The following PIBF1 variants were observed in gnomAD, a reference collection of about 807,000 sequenced individuals.
PIBF1 encodes progesterone immunomodulatory binding factor 1, also known as progesterone-induced-blocking factor 1.
Under a neutral mutation model 112.5 loss-of-function variants are expected in PIBF1, and 90 were observed. That is an observed-to-expected ratio of 0.80 (90% CI 0.67 to 0.95). The LOEUF (loss-of-function observed/expected upper bound fraction) is 0.95, where lower values mean the gene tolerates loss of function less well. Ranked by LOEUF, PIBF1 falls within the 40% of genes least tolerant of loss-of-function variation. PIBF1 has a pLI of 0.00. For synonymous variants in PIBF1, 301 were observed against 288.6 expected (o/e 1.04, Z -0.44); for missense variants, 915 against 852.3 (o/e 1.07, Z -0.92).
intron 17 of PIBF1, among the ~76,000 whole-genome samples, chr13:73,011,714 C>T (rs1025529817): frequency 1.3e-5 from 2 of 152,176 alleles, no homozygotes; most frequent in African/African-American, 4.8e-5. Context: ...TCCCTACCCC[C>T]ACACCTTACC....
At chr13:72,960,667 T>A (rs1407712958) in intron 14 of PIBF1, among the ~76,000 whole-genome samples, 1 of 152,238 alleles carries the variant, frequency 6.6e-6, no homozygotes, top group Non-Finnish European at 1.5e-5. Flanking sequence ...GTTCTGCACT[T>A]TGAAACACAA....
chr13:72,890,452 T>G (rs767902372), intron 10 of PIBF1, among the ~76,000 whole-genome samples: 3 of 152,154 alleles, frequency 2.0e-5, no homozygotes, highest in Non-Finnish European at 4.4e-5. Flanking sequence ...GTTCTAGTCC[T>G]TTCTGTTATT....
intron 16 of PIBF1, among the ~76,000 whole-genome samples, chr13:72,986,043 G>T (rs1003148433): frequency 2.0e-5 from 3 of 151,880 alleles, no homozygotes; most frequent in Admixed American, 6.6e-5. Context: ...CGTGCCTATA[G>T]TCCCAGCTTC....
intron 9 of PIBF1, among the ~76,000 whole-genome samples, chr13:72,853,779 G>C (rs963962515): frequency 6.6e-6 from 1 of 151,984 alleles, no homozygotes; most frequent in Admixed American, 6.6e-5. Context: ...TTGGATTCTC[G>C]TAAGGAATAC....
chr13:72,843,473 A>G (rs545283439), intron 9 of PIBF1, among the ~76,000 whole-genome samples: 1 of 152,308 alleles, frequency 6.6e-6, no homozygotes, highest in South Asian at 2.1e-4. Context: ...GTGCAGTGGC[A>G]CAGTCTTGGC....
At chr13:72,878,018 G>T (rs1295686159) in intron 10 of PIBF1, among the ~76,000 whole-genome samples, 1 of 151,818 alleles carries the variant, frequency 6.6e-6, no homozygotes, top group Non-Finnish European at 1.5e-5. Context: ...CAAAGTGCTG[G>T]GATTACAGGT....
rs375075505 is a variant in PIBF1, at chr13:72,789,513, CTT to C, written c.253-2930_253-2929del. On this transcript the variant is annotated intron_variant, in intron 2 of 17. Coordinates refer to ENST00000326291, the MANE Select transcript of PIBF1 (RefSeq NM_006346.4). Reference sequence around the variant, plus strand: ...TTAAAATTTTTAAATGCCCCAAACTCTTTTTATTTATCTCTCATTAGAGATCT... The same window carrying C: ...TTAAAATTTTTAAATGCCCCAAACTCTTTATTTATCTCTCATTAGAGATCT... 1.7e-3 allele frequency among the ~76,000 whole-genome samples: 261 copies of C among 152,198 alleles called. 1 individual carries two copies. The highest frequency in any genetic ancestry group is 5.7e-3 in the African/African-American group (237 of 41,530).
intron 11 of PIBF1, among the ~76,000 whole-genome samples, chr13:72,902,229 TGGG>T (rs1393445484): frequency 6.6e-6 from 1 of 152,014 alleles, no homozygotes; most frequent in Non-Finnish European, 1.5e-5. Flanking sequence ...TTTGGGTACT[TGGG>T]GGGAAGAGTG....
intron 8 of PIBF1, among the ~76,000 whole-genome samples, chr13:72,830,866 C>T (rs2037072171): frequency 6.6e-6 from 1 of 152,036 alleles, no homozygotes; most frequent in South Asian, 2.1e-4. Flanking sequence ...CTCTTTGTAC[C>T]TCTGGTAGAA....
At chr13:72,964,929 G>T (rs1440821756) in intron 14 of PIBF1, among the ~76,000 whole-genome samples, 1 of 152,118 alleles carries the variant, frequency 6.6e-6, no homozygotes, top group East Asian at 1.9e-4. Context: ...GGGCATGGTA[G>T]CAGGCACCTG....
rs386363749 is a variant in PIBF1, at chr13:72,876,134, C to CTTTTTTTTTTTT, written c.1323-17642_1323-17631dup. On this transcript the variant is annotated intron_variant, in intron 10 of 17. Transcript: ENST00000326291. ...AAAGGTGTAAGTCTGTGTTCAGATT[C>CTTTTTTTTTTTT]TTTTTTTTTTTTTTTTTTTGCATGT... is the stretch of plus-strand genomic sequence containing the variant. 4.4e-4 allele frequency among the ~76,000 whole-genome samples: 40 copies of CTTTTTTTTTTTT among 91,228 alleles called. 4 individuals are homozygous for CTTTTTTTTTTTT. Among genetic ancestry groups the CTTTTTTTTTTTT allele is most frequent in the East Asian group, 1.5e-3 (4 of 2,690 alleles). The allele number at this position is 91,228 out of a possible 152,430, so 59.8% of individuals were successfully genotyped here.
intron 14 of PIBF1, among the ~76,000 whole-genome samples, chr13:72,943,121 G>A (rs1425493523): frequency 3.3e-5 from 5 of 151,942 alleles, no homozygotes; most frequent in Admixed American, 6.6e-5. Context: ...TTTTAATTTA[G>A]CAAGTGAACT....
At chr13:72,982,953 C>T (rs1171279985) in intron 16 of PIBF1, among the ~76,000 whole-genome samples, 2 of 152,174 alleles carry the variant, frequency 1.3e-5, no homozygotes, top group African/African-American at 4.8e-5. Context: ...CTTCCTAAAA[C>T]CTTGGAGATG....
chr13:72,933,156 T>C (rs2041763725), intron 14 of PIBF1, among the ~76,000 whole-genome samples: 1 of 152,218 alleles, frequency 6.6e-6, no homozygotes, highest in Non-Finnish European at 1.5e-5. Context: ...TTGCCTTTAA[T>C]TTCACAGTAA....
At chr13:72,913,317 A>C (rs1380568363) in intron 12 of PIBF1, among the ~76,000 whole-genome samples, 2 of 152,168 alleles carry the variant, frequency 1.3e-5, no homozygotes, top group South Asian at 4.1e-4. Flanking sequence ...TATTTTTTAG[A>C]AAATAACTGT....
intron 14 of PIBF1, among the ~76,000 whole-genome samples, chr13:72,932,634 G>A (rs1485498766): frequency 6.6e-6 from 1 of 152,138 alleles, no homozygotes; most frequent in Non-Finnish European, 1.5e-5. Context: ...ACTGAAGATG[G>A]AGTAAAGATT....
intron 14 of PIBF1, among the ~76,000 whole-genome samples, chr13:72,960,909 A>G (rs1385175929): frequency 6.6e-6 from 1 of 152,192 alleles, no homozygotes; most frequent in Non-Finnish European, 1.5e-5. Flanking sequence ...AAGAAAAAAA[A>G]CATTCTAAAA....
chr13:72,863,377 C>T (rs189193712), intron 10 of PIBF1, among the ~76,000 whole-genome samples: 71 of 152,124 alleles, frequency 4.7e-4, no homozygotes, highest in East Asian at 1.5e-3. Context: ...AGGGCCAGGG[C>T]GCGGTGGCTC....
intron 9 of PIBF1, among the ~76,000 whole-genome samples, chr13:72,840,979 C>G (rs748640866): frequency 4.6e-5 from 7 of 152,172 alleles, no homozygotes; most frequent in Non-Finnish European, 1.0e-4. Flanking sequence ...TCTGTCCAAT[C>G]TTGGTATCTG....
Sources: allele counts gnomAD v4.1 joint callset (sites outside exome capture counted in the v4.1 genomes callset), GRCh38; gene constraint gnomAD v4.1.1; transcripts MANE v1.5; gene names NCBI Gene and HGNC (gene_info 2026-07-23, HGNC 2026-07-21).